CLEC2B: variants seen among roughly 807,000 people sequenced by gnomAD.
CLEC2B encodes C-type lectin domain family 2 member B.
Under a neutral mutation model 16.2 loss-of-function variants are expected in CLEC2B, and 14 were observed. The ratio of observed to expected loss-of-function variants is 0.86; its 90% CI spans 0.57 to 1.35. The LOEUF is 1.35. Among genes scored for constraint, CLEC2B ranks in the 40% most tolerant of loss-of-function variants. CLEC2B has a pLI of 0.00. For synonymous variants in CLEC2B, 42 were observed against 55.8 expected (o/e 0.75, Z 1.10); for missense variants, 166 against 182.3 (o/e 0.91, Z 0.52).
At chr12:9,864,656 A>T (rs1376989080) in intron 1 of CLEC2B, among the ~76,000 whole-genome samples, 1 of 152,178 alleles carries the variant, frequency 6.6e-6, no homozygotes, top group African/African-American at 2.4e-5. Context: ...AAGATTTTTT[A>T]TAAGCCTCAT....
intron 2 of CLEC2B, among the ~76,000 whole-genome samples, 162 bp downstream of exon 2, chr12:9,862,333 TTACA>T (rs1354711750): frequency 2.6e-5 from 4 of 152,188 alleles, no homozygotes; most frequent in South Asian, 2.1e-4. Flanking sequence ...CTCTGATGCC[TTACA>T]TAGGTCATGT....
intron 4 of CLEC2B, 44 bp from the exon 5 acceptor site, chr12:9,853,452 C>T (rs1867867765): frequency 6.6e-7 from 1 of 1,515,422 alleles, no homozygotes; most frequent in African/African-American, 1.4e-5. Flanking sequence ...GTGATTTCTT[C>T]CTTGCCCATG....
Position 9,869,205 on chromosome 12 carries a change from C to G in CLEC2B, c.-3G>C, listed in dbSNP as rs1487166013. On this transcript the variant is annotated splice_region_variant and 5_prime_UTR_variant, in exon 1 of 5. Transcript: ENST00000228438. Reference sequence around the variant, plus strand: ...TCTAAACAAACAAAAATGTTCTTACCGTGCTTCTTTTAATCAGCGTTTTGA... The same window carrying G: ...TCTAAACAAACAAAAATGTTCTTACGGTGCTTCTTTTAATCAGCGTTTTGA... The G allele has an allele frequency of 1.3e-5, 2 of 152,138 alleles. No individual in the cohort carries two copies. The highest frequency in any genetic ancestry group is 4.8e-5 in the African/African-American group (2 of 41,448). The allele number at this position is 152,138 out of a possible 1,614,324, so 9.4% of individuals were successfully genotyped here.
chr12:9,862,508 T>A lies in CLEC2B; in HGVS notation c.64A>T (p.Thr22Ser). 6.9e-7 allele frequency: 1 copy of A among 1,457,446 alleles called. No homozygotes were observed. The highest frequency in any genetic ancestry group is 9.3e-7 in the Non-Finnish European group (1 of 1,080,038). The allele number at this position is 1,457,446 out of a possible 1,614,324, so 90.3% of individuals were successfully genotyped here. Residue 22 changes from threonine (T) to serine (S), a missense_variant, in exon 2 of 5, where the codon ACT becomes TCT. Transcript: ENST00000228438. ...GAAGGATGTAACTTACCTATCAGAGTAATAATATTAGTTGTTATTAAAACA... is the reference window on the plus strand; with the variant it reads ...GAAGGATGTAACTTACCTATCAGAGAAATAATATTAGTTGTTATTAAAACA... ...VGVLITTNII[T>S]LIVKLTRDSQ...
At chr12:9,858,676 C>A (rs1042310509) in intron 2 of CLEC2B, among the ~76,000 whole-genome samples, 10 of 151,654 alleles carry the variant, frequency 6.6e-5, no homozygotes, top group Non-Finnish European at 1.5e-4. Context: ...ATTTTATATA[C>A]ATACACAGTG....
Position 9,869,268 on chromosome 12 carries a change from C to A in CLEC2B, c.-66G>T, listed in dbSNP as rs1867996514. 6.6e-6 allele frequency: 1 copy of A among 152,178 alleles called. No homozygotes were observed. The highest frequency in any genetic ancestry group is 2.1e-4 in the South Asian group (1 of 4,836). The allele number at this position is 152,178 out of a possible 1,614,324, so 9.4% of individuals were successfully genotyped here. A position where few individuals can be genotyped will look rare whatever the true frequency, so the allele number is the denominator to read the frequency against. On this transcript the variant is annotated 5_prime_UTR_variant, in exon 1 of 5. Transcript: ENST00000228438. ...AGCTTTGTGTCATGTCTTGCAGAAACTCTCTTCAAAGTTGTAACTTTATTT... is the reference window on the plus strand; with the variant it reads ...AGCTTTGTGTCATGTCTTGCAGAAAATCTCTTCAAAGTTGTAACTTTATTT...
chr12:9,860,311 A>T (rs1167840114), intron 2 of CLEC2B, among the ~76,000 whole-genome samples: 2 of 151,744 alleles, frequency 1.3e-5, no homozygotes, highest in Non-Finnish European at 3.0e-5. Flanking sequence ...AATTTGTTAT[A>T]TGAGGCTTAT....
Position 9,857,598 on chromosome 12 carries a change from T to C in CLEC2B, c.113A>G (p.Asp38Gly). The C allele has an allele frequency of 6.2e-7, 1 of 1,611,230 alleles. No individual in the cohort carries two copies. The highest frequency in any genetic ancestry group is 8.5e-7 in the Non-Finnish European group (1 of 1,177,958). The stretch of plus-strand genomic sequence containing the variant: ...GCATTTGTTTTGGAAACCAATCCAA[T>C]CATAGGGGCATAAACTCTGAGAATC... ...TRDSQSLCPY[D>G]WIGFQNKCYY... The change falls in exon 3 of 5, where the codon GAT (aspartate) becomes GGT (glycine). Residue 38 changes from aspartate (D) to glycine (G), a missense_variant. Transcript: ENST00000228438.
In CLEC2B at chr12:9,862,522, G is replaced by A; in HGVS notation, c.50C>T (p.Thr17Ile). ...ACCTATCAGAGTAATAATATTAGTT[G>A]TTATTAAAACACCAACAATTATAAA... ...KCFIIVGVLITTNIITLIVKL... is the reference protein window; with the variant it reads ...KCFIIVGVLIITNIITLIVKL... The change falls in exon 2 of 5, where the codon ACA becomes ATA. Residue 17 changes from threonine (T) to isoleucine (I), a missense_variant. Physicochemically the swap from Thr to Ile is moderately conservative, Grantham distance 89. Transcript: ENST00000228438. 1.4e-6 allele frequency: 2 copies of A among 1,460,684 alleles called. No individual in the cohort carries two copies. Among genetic ancestry groups the A allele is most frequent in the Admixed American group, 4.3e-5 (2 of 46,160 alleles). 90.5% of individuals were successfully genotyped at this position (1,460,684 alleles called of 1,614,324 possible).
At chr12:9,867,696 A>G (rs919149774) in intron 1 of CLEC2B, among the ~76,000 whole-genome samples, 7 of 152,152 alleles carry the variant, frequency 4.6e-5, no homozygotes, top group African/African-American at 1.7e-4. Context: ...TGATGAGGCT[A>G]TGCTTAAAAG....
Position 9,860,633 on chromosome 12 carries a change from G to A in CLEC2B, c.73+1866C>T, listed in dbSNP as rs183880910. Among the ~76,000 whole-genome samples, 31 of 151,844 alleles carry A rather than the reference G, an allele frequency of 2.0e-4. 1 individual carries two copies. The highest frequency in any genetic ancestry group is 7.5e-4 in the African/African-American group (31 of 41,498). On this transcript the variant is annotated intron_variant, in intron 2 of 4. Transcript: ENST00000228438. ...CAGATAATTTATATGGCAGCTTAAA[G>A]GATCTAAAATGCTCCAGGTAAACTT...
rs1302281643 is a variant in CLEC2B, at chr12:9,853,177, A to ATG, written c.*122_*123insCA. ...TGAAGTGGCTTTTATGTGTAGCCTG[A>ATG]CACGTAAGCAGAATTAACCAGACAG... On this transcript the variant is annotated 3_prime_UTR_variant, in exon 5 of 5. Coordinates refer to ENST00000228438, the MANE Select transcript of CLEC2B (RefSeq NM_005127.3). The ATG allele has an allele frequency of 1.3e-4, 98 of 731,824 alleles. 1 individual carries two copies. Among genetic ancestry groups the ATG allele is most frequent in the East Asian group, 9.8e-4 (36 of 36,866 alleles). 45.3% of individuals were successfully genotyped at this position (731,824 alleles called of 1,614,324 possible).
At chr12:9,854,277 C>T (rs764082258) in intron 4 of CLEC2B, 104 bp downstream of exon 4, 189 of 665,696 alleles carry the variant, frequency 2.8e-4, no homozygotes, top group Non-Finnish European at 4.5e-4. Flanking sequence ...ATCTTTCTAA[C>T]ATGTGCAAAA....
rs1229892834 is a variant in CLEC2B at position 9,853,057 on chromosome 12, A to AAAAGAAAG, written c.*235_*242dup. 42 of 98,914 alleles carry AAAAGAAAG rather than the reference A, an allele frequency of 4.2e-4. No individual in the cohort carries two copies. The African/African-American group carries it at 5.0e-3, about 12-fold the overall frequency. 6.1% of individuals were successfully genotyped at this position (98,914 alleles called of 1,614,324 possible). A position where few individuals can be genotyped will look rare whatever the true frequency, so the allele number is the denominator to read the frequency against. Reference sequence around the variant, plus strand: ...AATTGTTTTCTGGTTTACAGTTAAAAAAAGAAAGAAAGAAAGAAAGAAAGA... The same window carrying AAAAGAAAG: ...AATTGTTTTCTGGTTTACAGTTAAAAAAAGAAAGAAAGAAAGAAAGAAAGAAAGAAAGA... On this transcript the variant is annotated 3_prime_UTR_variant, in exon 5 of 5. Coordinates refer to ENST00000228438, the MANE Select transcript of CLEC2B (RefSeq NM_005127.3).
chr12:9,864,362 T>C (rs981713792), intron 1 of CLEC2B, among the ~76,000 whole-genome samples: 1 of 152,074 alleles, frequency 6.6e-6, no homozygotes, highest in African/African-American at 2.4e-5. Context: ...GCTGAATATC[T>C]AAAATACACT....
At chr12:9,860,129 T>G (rs1867922601) in intron 2 of CLEC2B, among the ~76,000 whole-genome samples, 2 of 151,660 alleles carry the variant, frequency 1.3e-5, no homozygotes, top group Non-Finnish European at 3.0e-5. Context: ...ATACTCAACC[T>G]TATACTGGAA....
intron 2 of CLEC2B, among the ~76,000 whole-genome samples, chr12:9,862,194 T>C (rs905585245): frequency 4.6e-5 from 7 of 152,090 alleles, no homozygotes; most frequent in Admixed American, 3.9e-4. Flanking sequence ...TATATTTATA[T>C]AAAATTTTTT....
chr12:9,858,816 C>T (rs1437686171), intron 2 of CLEC2B, among the ~76,000 whole-genome samples: 1 of 151,794 alleles, frequency 6.6e-6, no homozygotes, highest in Non-Finnish European at 1.5e-5. Flanking sequence ...TTAGATAATG[C>T]TAGGATTTCA....
At chr12:9,857,225 G>T in intron 3 of CLEC2B, 1 of 310,604 alleles carries the variant, frequency 3.2e-6, no homozygotes, top group Non-Finnish European at 5.9e-6. Flanking sequence ...ACATTATCAA[G>T]CTCTTCTGTG....
Sources: gnomAD v4.1 joint callset for allele counts (sites outside exome capture counted in the v4.1 genomes callset) on GRCh38, gnomAD v4.1.1 for gene constraint, MANE v1.5 for transcripts, NCBI Gene and HGNC (gene_info 2026-07-23, HGNC 2026-07-21) for gene names.